Variants in CRISPLD2 observed in about 807,000 individuals in gnomAD.
The protein encoded by CRISPLD2 is cysteine rich secretory protein LCCL domain containing 2, also known as cysteine-rich secretory protein LCCL domain-containing 2.
A neutral mutation model predicts 71.1 loss-of-function variants in CRISPLD2; 47 were observed. That is an observed-to-expected ratio of 0.66 (90% CI 0.52 to 0.84). CRISPLD2 has a LOEUF of 0.84. Ranked by LOEUF, CRISPLD2 falls within the 40% of genes least tolerant of loss-of-function variation. The pLI is 0.00. For synonymous variants in CRISPLD2, 317 were observed against 250.1 expected (o/e 1.27, Z -2.52); for missense variants, 830 against 651.1 (o/e 1.27, Z -2.99).
In CRISPLD2 at chr16:84,880,693, AAATTAATTAATT is replaced by A. The variant is rs35870995; in HGVS notation, c.1305+126_1305+137del. ...AACTTTATTCCAGTGCCTCTTAGCTAAATTAATTAATTAATTAATTAATTAATTTCGAGATGG... is the reference window on the plus strand; with the variant it reads ...AACTTTATTCCAGTGCCTCTTAGCTAAATTAATTAATTAATTTCGAGATGG... On this transcript the variant is annotated intron_variant, in intron 13 of 14. Coordinates refer to ENST00000262424, the MANE Select transcript of CRISPLD2 (RefSeq NM_031476.4). The A allele has an allele frequency of 2.7e-5, 16 of 593,788 alleles. No homozygotes were observed. The East Asian group carries it at 3.0e-4, about 11-fold the overall frequency. 36.8% of individuals were successfully genotyped at this position (593,788 alleles called of 1,614,324 possible).
At chr16:84,823,768 A>AG (rs1471402807) in intron 1 of CRISPLD2, among the ~76,000 whole-genome samples, 1 of 152,232 alleles carries the variant, frequency 6.6e-6, no homozygotes, top group Non-Finnish European at 1.5e-5. Flanking sequence ...ACAGAGTCAG[A>AG]GGGAAAAAAA....
At chr16:84,890,356 C>T in intron 14 of CRISPLD2, among the ~76,000 whole-genome samples, 1 of 149,382 alleles carries the variant, frequency 6.7e-6, no homozygotes, top group Admixed American at 6.6e-5. Flanking sequence ...GAGACTCCAT[C>T]TCAAAAAAAA....
At chr16:84,895,967 T>A (rs917809556) in intron 14 of CRISPLD2, among the ~76,000 whole-genome samples, 1 of 151,900 alleles carries the variant, frequency 6.6e-6, no homozygotes, top group Non-Finnish European at 1.5e-5. Context: ...GCTAAACCTG[T>A]ACCTGTCTAA....
intron 14 of CRISPLD2, among the ~76,000 whole-genome samples, chr16:84,889,574 T>C (rs1050449117): frequency 3.9e-5 from 5 of 129,138 alleles, no homozygotes; most frequent in African/African-American, 1.6e-4. Context: ...TACTATCACA[T>C]TTGGGATTAA....
At chr16:84,884,734 G>A (rs2071597456) in intron 13 of CRISPLD2, among the ~76,000 whole-genome samples, 1 of 152,194 alleles carries the variant, frequency 6.6e-6, no homozygotes, top group African/African-American at 2.4e-5. Context: ...ATGGGTGTGA[G>A]CTTTTCGTAC....
chr16:84,875,068 C>G (rs959464547), intron 11 of CRISPLD2, among the ~76,000 whole-genome samples: 18 of 152,032 alleles, frequency 1.2e-4, no homozygotes, highest in African/African-American at 1.9e-4. Context: ...CAGCAAGACC[C>G]TGTCTCTGCA....
At chr16:84,904,373 C>G (rs982009578) in intron 14 of CRISPLD2, among the ~76,000 whole-genome samples, 3 of 152,062 alleles carry the variant, frequency 2.0e-5, no homozygotes, top group Non-Finnish European at 4.4e-5. Context: ...ATCACGAAGT[C>G]AGGAGTTCCA....
At chr16:84,823,700 GC>G (rs1205015059) in intron 1 of CRISPLD2, among the ~76,000 whole-genome samples, 1 of 152,198 alleles carries the variant, frequency 6.6e-6, no homozygotes, top group Non-Finnish European at 1.5e-5. Flanking sequence ...TCATGGTCCA[GC>G]CCGAGGGAGA....
chr16:84,884,777 AC>A (rs2071597903), intron 13 of CRISPLD2, among the ~76,000 whole-genome samples: 1 of 152,110 alleles, frequency 6.6e-6, no homozygotes, highest in South Asian at 2.1e-4. Flanking sequence ...ATCACAGAAA[AC>A]TTTTGTGTCA....
intron 13 of CRISPLD2, 61 bp from the exon 14 acceptor site, chr16:84,889,169 G>C: frequency 6.2e-7 from 1 of 1,611,182 alleles, no homozygotes; most frequent in Non-Finnish European, 8.5e-7. Flanking sequence ...TGGAGCCCCA[G>C]CTGGCTTGAC....
At chr16:84,899,439 G>A (rs1008496948) in intron 14 of CRISPLD2, among the ~76,000 whole-genome samples, 4 of 152,130 alleles carry the variant, frequency 2.6e-5, no homozygotes, top group African/African-American at 7.2e-5. Context: ...CATCAGACAC[G>A]TACAACTACC....
chr16:84,900,213 T>C (rs1360504342), intron 14 of CRISPLD2, among the ~76,000 whole-genome samples: 1 of 151,970 alleles, frequency 6.6e-6, no homozygotes, highest in African/African-American at 2.4e-5. Flanking sequence ...AAAGTTCAAT[T>C]CCAGGGTAGC....
In CRISPLD2 at chr16:84,848,987, A is replaced by AC. The variant is rs1916996107; in HGVS notation, c.360-398_360-397insC. ...GGCGACAGAGCGAGACTCCGTCTCA[A>AC]AAAAAAAAAAAAAAAAGAAAGGACT... On this transcript the variant is annotated intron_variant, in intron 3 of 14. Transcript: ENST00000262424. Among the ~76,000 whole-genome samples the AC allele has an allele frequency of 7.1e-5, 10 of 141,654 alleles. No homozygotes were observed. In the South Asian group the frequency reaches 2.1e-3, roughly 30 times the overall value. The allele number at this position is 141,654 out of a possible 152,430, so 92.9% of individuals were successfully genotyped here.
At chr16:84,869,832 A>AT (rs1321623507) in intron 8 of CRISPLD2, among the ~76,000 whole-genome samples, 4 of 152,262 alleles carry the variant, frequency 2.6e-5, no homozygotes, top group Non-Finnish European at 5.9e-5. Context: ...TGCTAAGCAC[A>AT]TTGCGATAGC....
At position 84,854,876 on chromosome 16, in the gene CRISPLD2, C is replaced by G. The variant is rs745396508; in HGVS notation, c.709+47C>G. 7 of 1,414,120 alleles carry G rather than the reference C, an allele frequency of 5.0e-6. No individual in the cohort carries two copies. The South Asian group carries it at 6.9e-5, about 14-fold the overall frequency. The allele number at this position is 1,414,120 out of a possible 1,614,324, so 87.6% of individuals were successfully genotyped here. ...CTTTTGCAATGAATTTGCCCTCAGT[C>G]TGAGTCATGCGACAGCGTTACATGA... On this transcript the variant is annotated intron_variant, in intron 6 of 14. Coordinates refer to ENST00000262424, the MANE Select transcript of CRISPLD2 (RefSeq NM_031476.4).
rs114863789 is a variant in CRISPLD2, at chr16:84,824,335, A to G, written c.-75+4202A>G. On this transcript the variant is annotated intron_variant, in intron 1 of 14. Coordinates refer to ENST00000262424, the MANE Select transcript of CRISPLD2 (RefSeq NM_031476.4). ...GCACCATCAAGATGAACAGAGAGTA[A>G]CACGGTGGCACTGAGAACTTGAGAA... Among the ~76,000 whole-genome samples, 603 of 152,308 alleles carry G rather than the reference A, an allele frequency of 4.0e-3. 3 individuals carry two copies. The highest frequency in any genetic ancestry group is 0.014 in the African/African-American group (571 of 41,574).
intron 12 of CRISPLD2, among the ~76,000 whole-genome samples, chr16:84,877,758 G>T (rs1175153729): frequency 6.6e-6 from 1 of 152,170 alleles, no homozygotes; most frequent in Admixed American, 6.5e-5. Flanking sequence ...GCTGAGGCAG[G>T]AGAATTGCTT....
intron 6 of CRISPLD2, among the ~76,000 whole-genome samples, chr16:84,864,121 G>T (rs931867696): frequency 6.6e-6 from 1 of 152,180 alleles, no homozygotes; most frequent in African/African-American, 2.4e-5. Context: ...AATCTGCAGA[G>T]TGACATAAAC....
intron 14 of CRISPLD2, among the ~76,000 whole-genome samples, chr16:84,895,416 A>G (rs955149544): frequency 6.6e-6 from 1 of 152,238 alleles, no homozygotes; most frequent in Admixed American, 6.5e-5. Flanking sequence ...TACAAGAAAT[A>G]CATACTTATT....
Sources: gnomAD v4.1 joint callset for allele counts (sites outside exome capture counted in the v4.1 genomes callset) on GRCh38, gnomAD v4.1.1 for gene constraint, MANE v1.5 for transcripts, NCBI Gene and HGNC (gene_info 2026-07-23, HGNC 2026-07-21) for gene names.